Variants in TENM2 observed in about 807,000 individuals in gnomAD.
TENM2 encodes the protein teneurin-2.
In TENM2, 52 loss-of-function variants were observed where a neutral mutation model predicts 245.2. That is an observed-to-expected ratio of 0.21 (90% CI 0.17 to 0.27). The LOEUF (loss-of-function observed/expected upper bound fraction) is 0.27, where lower values mean the gene tolerates loss of function less well. Ranked by LOEUF, TENM2 falls within the 10% of genes least tolerant of loss-of-function variation. TENM2 has a pLI of 1.00. For missense variants in TENM2, 3,046 were observed against 3,666.8 expected, an observed-to-expected ratio of 0.83 and a Z score of 4.37; for synonymous variants, 1,363 against 1,438.9, an observed-to-expected ratio of 0.95 and a Z score of 1.19.
At chr5:167,236,118 G>A in the TENM2 span, among the ~76,000 whole-genome samples, 1 of 152,118 alleles carries the variant, frequency 6.6e-6, no homozygotes, top group African/African-American at 2.4e-5. Context: ...GAAGTACTGT[G>A]TATTACCTTG....
chr5:167,806,127 A>G (rs1172298485), intron 2 of TENM2, among the ~76,000 whole-genome samples: 1 of 152,158 alleles, frequency 6.6e-6, no homozygotes. Context: ...AGGTAGAGGC[A>G]GGACAGAGTC....
rs1184586340 is a variant in TENM2, at chr5:167,926,720, A to C, written c.713-25868A>C. Among the ~76,000 whole-genome samples the C allele has an allele frequency of 9.9e-5, 7 of 70,740 alleles. No homozygotes were observed. In the East Asian group the frequency reaches 2.1e-3, roughly 21 times the overall value. 46.4% of individuals were successfully genotyped at this position (70,740 alleles called of 152,430 possible). A position where few individuals can be genotyped will look rare whatever the true frequency, so the allele number is the denominator to read the frequency against. On this transcript the variant is annotated intron_variant, in intron 3 of 28. Transcript: ENST00000518659. ...CTGGGTGACAGAGTGAGATTCCACC[A>C]CACACACACACACACACACACACAC...
chr5:167,213,628 G>T, the TENM2 span, among the ~76,000 whole-genome samples: 2 of 152,126 alleles, frequency 1.3e-5, no homozygotes, highest in Non-Finnish European at 2.9e-5. Flanking sequence ...ACATGAAAAA[G>T]CAGGTTACAT....
chr5:168,124,780 T>C, intron 10 of TENM2, 70 bp from the exon 13 acceptor site: 1 of 1,435,238 alleles, frequency 7.0e-7, no homozygotes. Flanking sequence ...AGCAAGCCCA[T>C]GTCTCATGGT....
At chr5:168,131,021 G>A (rs1465273211) in intron 12 of TENM2, among the ~76,000 whole-genome samples, 9 of 152,192 alleles carry the variant, frequency 5.9e-5, no homozygotes, top group Non-Finnish European at 8.8e-5. Flanking sequence ...GTAGATCAGC[G>A]TCTCATGAAG....
At chr5:168,098,153 G>A (rs1793518162) in intron 9 of TENM2, 26 bp downstream of exon 11, 1 of 1,571,890 alleles carries the variant, frequency 6.4e-7, no homozygotes, top group South Asian at 1.1e-5. Flanking sequence ...TCCCTGCTAT[G>A]GTTGGAAAAC....
At chr5:167,381,926 A>T (rs1761117260) in intron 2 of TENM2, among the ~76,000 whole-genome samples, 1 of 152,168 alleles carries the variant, frequency 6.6e-6, no homozygotes, top group African/African-American at 2.4e-5. Flanking sequence ...AATGCTTCAG[A>T]TAAAATTAAA....
intron 3 of TENM2, among the ~76,000 whole-genome samples, chr5:167,919,669 G>C (rs756520218): frequency 2.6e-5 from 4 of 152,208 alleles, no homozygotes; most frequent in African/African-American, 4.8e-5. Flanking sequence ...GATGCATTTT[G>C]TTTGGAGAGA....
At chr5:167,333,979 A>T (rs568784766) in intron 1 of TENM2, among the ~76,000 whole-genome samples, 1 of 152,218 alleles carries the variant, frequency 6.6e-6, no homozygotes, top group Non-Finnish European at 1.5e-5. Flanking sequence ...GTTGATATAC[A>T]TATGTATTTT....
intron 5 of TENM2, among the ~76,000 whole-genome samples, chr5:167,993,601 G>A (rs780600259): frequency 1.3e-5 from 2 of 152,228 alleles, no homozygotes; most frequent in Non-Finnish European, 2.9e-5. Flanking sequence ...TGGTTGGCAT[G>A]TCTGAGAACA....
intron 3 of TENM2, 54 bp downstream of exon 5, chr5:167,876,249 G>C (rs1561886421): frequency 2.8e-6 from 4 of 1,405,884 alleles, no homozygotes; most frequent in South Asian, 1.2e-5. Context: ...TGACATTCTT[G>C]ATTCTCCACC....
chr5:167,073,853 A>C, the TENM2 span, among the ~76,000 whole-genome samples: 8 of 152,318 alleles, frequency 5.3e-5, no homozygotes, highest in Admixed American at 3.3e-4. Flanking sequence ...AAAATCATTA[A>C]GCTTTTCTCA....
chr5:168,197,660 A>G (rs1055960555), intron 15 of TENM2, among the ~76,000 whole-genome samples: 1 of 148,864 alleles, frequency 6.7e-6, no homozygotes, highest in African/African-American at 2.5e-5. Flanking sequence ...AAATCATGCC[A>G]CTGCGCTCCA....
chr5:167,561,112 T>C (rs1218268910), intron 2 of TENM2, among the ~76,000 whole-genome samples: 1 of 152,226 alleles, frequency 6.6e-6, no homozygotes, highest in African/African-American at 2.4e-5. Context: ...CTTGGTATAT[T>C]CATCCTCTCA....
chr5:168,155,936 G>T (rs1293969791), intron 12 of TENM2, among the ~76,000 whole-genome samples: 1 of 143,070 alleles, frequency 7.0e-6, no homozygotes, highest in East Asian at 2.0e-4. Context: ...TGTAAGTACG[G>T]TCTTGTGACC....
chr5:167,854,610 T>G (rs752242369), intron 2 of TENM2, among the ~76,000 whole-genome samples: 1 of 152,230 alleles, frequency 6.6e-6, no homozygotes, highest in Non-Finnish European at 1.5e-5. Context: ...CCTATCTGTC[T>G]GAGAAGAGTT....
At chr5:167,951,168 C>T (rs1185194463) in intron 3 of TENM2, among the ~76,000 whole-genome samples, 1 of 152,188 alleles carries the variant, frequency 6.6e-6, no homozygotes, top group Non-Finnish European at 1.5e-5. Context: ...GTAGATTACA[C>T]CTTTTGGAGA....
At chr5:168,141,648 AT>A (rs1299037999) in intron 12 of TENM2, among the ~76,000 whole-genome samples, 1 of 152,256 alleles carries the variant, frequency 6.6e-6, no homozygotes, top group East Asian at 1.9e-4. Context: ...TTCCCAGTAG[AT>A]CAAAATCAAT....
chr5:167,214,910 A>C, the TENM2 span, among the ~76,000 whole-genome samples: 4 of 152,256 alleles, frequency 2.6e-5, no homozygotes, highest in African/African-American at 9.6e-5. Context: ...TTCTTTAGTC[A>C]TAAGTTTTTT....
Sources: gnomAD v4.1 joint callset for allele counts (sites outside exome capture counted in the v4.1 genomes callset) on GRCh38, gnomAD v4.1.1 for gene constraint, MANE v1.5 for transcripts, NCBI Gene and HGNC (gene_info 2026-07-23, HGNC 2026-07-21) for gene names.